The following MEIS2 variants were observed in gnomAD, a reference collection of about 807,000 sequenced individuals.
MEIS2 encodes homeobox protein Meis2.
MEIS2 carries 9 observed loss-of-function variants against 58.6 expected under a neutral mutation model. The ratio of observed to expected loss-of-function variants is 0.15; its 90% confidence interval spans 0.09 to 0.27. The LOEUF (loss-of-function observed/expected upper bound fraction) is 0.27, where lower values mean the gene tolerates loss of function less well. MEIS2 is among the 10% of genes least tolerant of loss of function. The pLI is 1.00. For missense variants in MEIS2, 427 were observed against 635.0 expected (o/e 0.67, Z 3.52); for synonymous variants, 221 against 228.4 (o/e 0.97, Z 0.29).
chr15:36,914,976 TAAAC>T (rs1307575281), intron 9 of MEIS2, among the ~76,000 whole-genome samples: 3 of 152,160 alleles, frequency 2.0e-5, no homozygotes, highest in Admixed American at 6.5e-5. Flanking sequence ...ATGACTGAAA[TAAAC>T]AAACAAACAA....
chr15:36,967,574 C>T (rs1054936808), intron 8 of MEIS2, among the ~76,000 whole-genome samples: 13 of 152,134 alleles, frequency 8.5e-5, no homozygotes, highest in African/African-American at 2.7e-4. Context: ...TTCCCAAAAC[C>T]GGTATAGCTC....
At chr15:37,062,310 G>C (rs1889328113) in intron 7 of MEIS2, among the ~76,000 whole-genome samples, 1 of 152,214 alleles carries the variant, frequency 6.6e-6, no homozygotes, top group Non-Finnish European at 1.5e-5. Context: ...GACAGATTCT[G>C]ACTTGTTTTC....
At chr15:37,089,908 T>C (rs967374354) in intron 6 of MEIS2, among the ~76,000 whole-genome samples, 33 of 152,156 alleles carry the variant, frequency 2.2e-4, no homozygotes, top group Non-Finnish European at 4.6e-4. Flanking sequence ...TTGTGTAAAA[T>C]AGATAATGTG....
chr15:36,944,920 C>A (rs2058508019), intron 9 of MEIS2, among the ~76,000 whole-genome samples: 1 of 151,928 alleles, frequency 6.6e-6, no homozygotes, highest in Non-Finnish European at 1.5e-5. Context: ...TGTCTCTGTA[C>A]CTCATTTAGA....
At chr15:37,095,145 C>A (rs983502865) in intron 4 of MEIS2, 16 of 203,276 alleles carry the variant, frequency 7.9e-5, no homozygotes, top group Non-Finnish European at 1.5e-4. Flanking sequence ...GTGGCCTGCG[C>A]TGGCCTGCCC....
intron 11 of MEIS2, 86 bp from the exon 12 acceptor site, chr15:36,892,545 A>C (rs919984636): frequency 6.4e-6 from 8 of 1,245,156 alleles, no homozygotes; most frequent in Non-Finnish European, 9.0e-6. Flanking sequence ...GAAAAAAAAA[A>C]AAAAAACAAC....
At position 37,037,674 on chromosome 15, in the gene MEIS2, AT is replaced by A. The variant is rs912311655; in HGVS notation, c.755-716del. ...TCATTTACTTTTAACAGTCATAGTT[AT>A]TTTTTCTTGCCCTCTGGCAAAAATG... On this transcript the variant is annotated intron_variant, in intron 7 of 11. Coordinates refer to ENST00000561208, the MANE Select transcript of MEIS2 (RefSeq NM_170675.5). Among the ~76,000 whole-genome samples, 32 of 152,138 alleles carry A rather than the reference AT, an allele frequency of 2.1e-4. 1 individual carries two copies. In the East Asian group the frequency reaches 2.1e-3, roughly 10 times the overall value.
intron 9 of MEIS2, among the ~76,000 whole-genome samples, chr15:36,921,018 C>A (rs938178435): frequency 1.9e-4 from 29 of 152,042 alleles, no homozygotes; most frequent in African/African-American, 5.8e-4. Context: ...CAAAAAAAAA[C>A]CTCTGTTGTT....
intron 8 of MEIS2, among the ~76,000 whole-genome samples, chr15:36,985,114 A>G (rs1159115732): frequency 2.0e-5 from 3 of 151,786 alleles, no homozygotes; most frequent in Non-Finnish European, 4.4e-5. Flanking sequence ...TATCACTTTT[A>G]TTTTATTTGT....
intron 9 of MEIS2, among the ~76,000 whole-genome samples, chr15:36,929,786 A>G (rs573969515): frequency 1.6e-4 from 24 of 152,332 alleles, no homozygotes; most frequent in Non-Finnish European, 3.2e-4. Context: ...TTCTCCAATT[A>G]TACTTGATGT....
At chr15:36,945,399 C>T (rs1433299939) in intron 9 of MEIS2, among the ~76,000 whole-genome samples, 1 of 152,028 alleles carries the variant, frequency 6.6e-6, no homozygotes, top group Non-Finnish European at 1.5e-5. Context: ...TTTCAGAGCA[C>T]TTTTAACCTA....
At chr15:37,022,456 C>T (rs182613731) in intron 8 of MEIS2, among the ~76,000 whole-genome samples, 3 of 152,146 alleles carry the variant, frequency 2.0e-5, no homozygotes, top group Admixed American at 6.5e-5. Context: ...ACTATGTTCC[C>T]CAGGCTGGTC....
intron 9 of MEIS2, among the ~76,000 whole-genome samples, chr15:36,937,665 C>G (rs953538860): frequency 1.3e-5 from 2 of 152,152 alleles, no homozygotes; most frequent in African/African-American, 2.4e-5. Flanking sequence ...AGCAAAATGT[C>G]TATGCTTTCC....
intron 7 of MEIS2, among the ~76,000 whole-genome samples, chr15:37,042,131 G>A (rs1279680027): frequency 6.6e-6 from 1 of 152,186 alleles, no homozygotes; most frequent in Non-Finnish European, 1.5e-5. Context: ...CGCCTGGGCA[G>A]CGGAGTAAGA....
chr15:36,955,023 G>A (rs1468546690), intron 8 of MEIS2, among the ~76,000 whole-genome samples: 3 of 152,176 alleles, frequency 2.0e-5, no homozygotes, highest in African/African-American at 7.2e-5. Flanking sequence ...CTAGGACTAT[G>A]CTTACTAAAA....
At chr15:37,079,430 C>A (rs1342820136) in intron 7 of MEIS2, among the ~76,000 whole-genome samples, 1 of 152,054 alleles carries the variant, frequency 6.6e-6, no homozygotes, top group Non-Finnish European at 1.5e-5. Flanking sequence ...ATTCCATTGA[C>A]AGAGTTTTCC....
chr15:37,000,967 A>T (rs1238727181), intron 8 of MEIS2, among the ~76,000 whole-genome samples: 1 of 151,880 alleles, frequency 6.6e-6, no homozygotes, highest in Non-Finnish European at 1.5e-5. Flanking sequence ...CTCCACTGAG[A>T]CTCTACAGAC....
At chr15:36,942,219 A>G (rs1375115349) in intron 9 of MEIS2, among the ~76,000 whole-genome samples, 6 of 152,202 alleles carry the variant, frequency 3.9e-5, no homozygotes, top group Admixed American at 3.3e-4. Context: ...GCACAAAACC[A>G]AAACAAAACA....
At chr15:36,965,518 T>C (rs140790189) in intron 8 of MEIS2, among the ~76,000 whole-genome samples, 150 of 152,346 alleles carry the variant, frequency 9.8e-4, no homozygotes, top group Non-Finnish European at 1.6e-3. Context: ...AAGTGGCCTA[T>C]AACATTTAAC....
Sources: allele counts gnomAD v4.1 joint callset (sites outside exome capture counted in the v4.1 genomes callset), GRCh38; gene constraint gnomAD v4.1.1; transcripts MANE v1.5; gene names NCBI Gene and HGNC (gene_info 2026-07-23, HGNC 2026-07-21).